Variants in ZMIZ1 observed in about 807,000 individuals in gnomAD.
The protein encoded by ZMIZ1 is zinc finger MIZ domain-containing protein 1.
A neutral mutation model predicts 113.9 loss-of-function variants in ZMIZ1; 17 were observed. The observed-to-expected ratio is 0.15, with a 90% CI of 0.10 to 0.22. The LOEUF is 0.22. Ranked by LOEUF, ZMIZ1 falls within the 10% of genes least tolerant of loss-of-function variation. The pLI, the probability that ZMIZ1 is intolerant of heterozygous loss-of-function variation, is 1.00. For synonymous variants in ZMIZ1, 607 were observed against 603.1 expected (o/e 1.01, Z -0.09); for missense variants, 1,059 against 1,477.8 (o/e 0.72, Z 4.65).
chr10:79,090,389 A>T (rs1842949781), intron 1 of ZMIZ1, among the ~76,000 whole-genome samples: 1 of 151,908 alleles, frequency 6.6e-6, no homozygotes, highest in Non-Finnish European at 1.5e-5. Flanking sequence ...CCACAAGGAG[A>T]CCCCGTTTGG....
intron 7 of ZMIZ1, among the ~76,000 whole-genome samples, chr10:79,233,177 C>G (rs1456295589): frequency 2.0e-5 from 3 of 152,270 alleles, no homozygotes; most frequent in Non-Finnish European, 4.4e-5. Context: ...GCTTGGTTCC[C>G]AGGGCTGGGC....
Position 79,314,358 on chromosome 10 carries a change from G to C in ZMIZ1, c.*1609G>C. 1 of 422,626 alleles carries C rather than the reference G, an allele frequency of 2.4e-6. No individual in the cohort carries two copies. Among genetic ancestry groups the C allele is most frequent in the African/African-American group, 2.0e-5 (1 of 49,566 alleles). The allele number at this position is 422,626 out of a possible 1,614,324, so 26.2% of individuals were successfully genotyped here. On this transcript the variant is annotated 3_prime_UTR_variant, in exon 25 of 25. Transcript: ENST00000334512. ...TCCTGCTCTCCCGTCCGCTGTGGGTGGTCCCCAGCTCTCCTCTGTGGGTTT... is the reference window on the plus strand; with the variant it reads ...TCCTGCTCTCCCGTCCGCTGTGGGTCGTCCCCAGCTCTCCTCTGTGGGTTT...
intron 1 of ZMIZ1, among the ~76,000 whole-genome samples, chr10:79,102,272 A>G (rs1216464034): frequency 6.6e-6 from 1 of 152,264 alleles, no homozygotes; most frequent in African/African-American, 2.4e-5. Flanking sequence ...ACAGGGAGGC[A>G]GAAATCCCGG....
At chr10:79,178,508 C>T (rs191202977) in intron 4 of ZMIZ1, among the ~76,000 whole-genome samples, 27 of 152,272 alleles carry the variant, frequency 1.8e-4, no homozygotes, top group African/African-American at 5.8e-4. Flanking sequence ...CCCAGCTGGG[C>T]GGGGGTGAAG....
chr10:79,069,905 C>T lies in ZMIZ1; in HGVS notation c.-337+635C>T, dbSNP rs12414075. The stretch of plus-strand genomic sequence containing the variant: ...AACGAGAAACGCGGAGGTGTGTGTG[C>T]AGGGTTTTCTCCCAGGGCTTCGCAA... On this transcript the variant is annotated intron_variant, in intron 1 of 24. Transcript: ENST00000334512. This position sits in a 1 kb window ranked among gnomAD's most constrained non-coding sequence, Gnocchi z 4.6. Among the ~76,000 whole-genome samples, 10,359 of 151,694 alleles carry T rather than the reference C, an allele frequency of 0.068. 661 individuals carry two copies. Among genetic ancestry groups the T allele is most frequent in the East Asian group, 0.3 (1,503 of 5,060 alleles).
At chr10:79,218,412 T>G (rs1003287450) in intron 7 of ZMIZ1, among the ~76,000 whole-genome samples, 1 of 151,610 alleles carries the variant, frequency 6.6e-6, no homozygotes, top group Non-Finnish European at 1.5e-5. Flanking sequence ...GAGGTGGAGG[T>G]TGCAGTGAGT....
intron 4 of ZMIZ1, among the ~76,000 whole-genome samples, chr10:79,175,994 A>C (rs987425575): frequency 1.4e-4 from 21 of 152,026 alleles, no homozygotes; most frequent in African/African-American, 5.1e-4. Flanking sequence ...TTTCCCTGAA[A>C]ATGTGCCCTT....
chr10:79,161,493 C>G (rs989086393), intron 3 of ZMIZ1, among the ~76,000 whole-genome samples: 7 of 152,192 alleles, frequency 4.6e-5, no homozygotes, highest in African/African-American at 1.2e-4. Flanking sequence ...ATGCTGTTCC[C>G]TCTGCCTGGA....
At chr10:79,071,972 G>A (rs1263430054) in intron 1 of ZMIZ1, among the ~76,000 whole-genome samples, 1 of 151,612 alleles carries the variant, frequency 6.6e-6, no homozygotes, top group South Asian at 2.1e-4. Flanking sequence ...ACTGGGGGTG[G>A]GGGCTGGGTG....
intron 4 of ZMIZ1, among the ~76,000 whole-genome samples, chr10:79,181,366 T>C (rs777830379): frequency 2.6e-5 from 4 of 152,222 alleles, no homozygotes; most frequent in Non-Finnish European, 5.9e-5. Context: ...GATGCAGTTG[T>C]GGTGTCACTG....
At chr10:79,107,758 T>G (rs1843611434) in intron 1 of ZMIZ1, among the ~76,000 whole-genome samples, 1 of 152,200 alleles carries the variant, frequency 6.6e-6, no homozygotes, top group Non-Finnish European at 1.5e-5. Context: ...AAAACTTCTC[T>G]GGACAGAGGA....
intron 18 of ZMIZ1, 141 bp downstream of exon 18, chr10:79,302,353 C>T (rs930001558): frequency 3.7e-6 from 3 of 809,618 alleles, no homozygotes; most frequent in African/African-American, 3.4e-5. Context: ...CCTGAGCGCG[C>T]CCTGTCCTGA....
chr10:79,163,152 G>A (rs78689605), intron 4 of ZMIZ1, among the ~76,000 whole-genome samples: 4 of 152,376 alleles, frequency 2.6e-5, no homozygotes, highest in African/African-American at 7.2e-5. Context: ...GGGGCAGCCC[G>A]GGAGGGGGGA....
At chr10:79,292,009 G>A (rs1336239596) in intron 10 of ZMIZ1, 149 bp from the exon 11 acceptor site, 1 of 822,042 alleles carries the variant, frequency 1.2e-6, no homozygotes, top group Non-Finnish European at 2.0e-6. Context: ...TTGCCAAGTG[G>A]CACAAATGAA....
intron 6 of ZMIZ1, among the ~76,000 whole-genome samples, chr10:79,212,628 C>T (rs1034228569): frequency 2.0e-5 from 3 of 152,068 alleles, no homozygotes; most frequent in Non-Finnish European, 4.4e-5. Context: ...TGGTGGCACA[C>T]GCCTGTAATC....
chr10:79,311,552 C>A (rs1048379959), intron 24 of ZMIZ1, among the ~76,000 whole-genome samples: 1 of 152,090 alleles, frequency 6.6e-6, no homozygotes, highest in African/African-American at 2.4e-5. Flanking sequence ...GCAGGGAGGG[C>A]TGGAGGGAGA....
At chr10:79,076,205 G>A (rs1564636311) in intron 1 of ZMIZ1, among the ~76,000 whole-genome samples, 1 of 152,218 alleles carries the variant, frequency 6.6e-6, no homozygotes, top group Non-Finnish European at 1.5e-5. Context: ...CAGCGAATGG[G>A]TGACCGATCT....
intron 1 of ZMIZ1, among the ~76,000 whole-genome samples, chr10:79,093,349 A>G (rs1375272548): frequency 1.4e-5 from 2 of 147,860 alleles, no homozygotes; most frequent in African/African-American, 2.5e-5. Context: ...TTATTTTGAG[A>G]CAGAGTCTCA....
intron 3 of ZMIZ1, among the ~76,000 whole-genome samples, chr10:79,159,742 G>A (rs913615212): frequency 3.9e-5 from 6 of 152,196 alleles, no homozygotes; most frequent in African/African-American, 1.4e-4. Context: ...GTGGTCCAAT[G>A]CAGGCTCACT....
Sources: gnomAD v4.1 joint callset for allele counts (sites outside exome capture counted in the v4.1 genomes callset) on GRCh38, gnomAD v4.1.1 for gene constraint, Gnocchi (gnomAD v3.1) non-coding constraint, MANE v1.5 for transcripts, NCBI Gene and HGNC (gene_info 2026-07-23, HGNC 2026-07-21) for gene names.